PMEPA1: variants seen among roughly 807,000 people sequenced by gnomAD.
The protein encoded by PMEPA1 is prostate transmembrane protein, androgen induced 1, also known as protein TMEPAI.
In PMEPA1, 11 loss-of-function variants were observed where a neutral mutation model predicts 23.0. The observed-to-expected ratio is 0.48, with a 90% CI of 0.30 to 0.79. The LOEUF is 0.79. Among genes scored for constraint, PMEPA1 ranks in the 30% least tolerant of loss-of-function variants. The probability of loss-of-function intolerance (pLI) is 0.06; values close to 1 mark genes in which losing one functional copy is unlikely to be tolerated. For synonymous variants in PMEPA1, 204 were observed against 166.4 expected (o/e 1.23, Z -1.74); for missense variants, 377 against 390.9 (o/e 0.96, Z 0.30).
At chr20:57,700,183 C>A (rs748612768) in intron 1 of PMEPA1, 3 of 471,160 alleles carry the variant, frequency 6.4e-6, no homozygotes. Context: ...GAATCCATGA[C>A]AACCTGTCAA....
intron 1 of PMEPA1, among the ~76,000 whole-genome samples, chr20:57,668,875 C>G (rs1463836357): frequency 6.6e-6 from 1 of 152,232 alleles, no homozygotes; most frequent in Non-Finnish European, 1.5e-5. Flanking sequence ...CCTTCATTGC[C>G]TTGATCCCGG....
upstream of PMEPA1, chr20:57,710,459 C>A: frequency 6.2e-7 from 1 of 1,608,158 alleles, no homozygotes; most frequent in Non-Finnish European, 8.5e-7. Flanking sequence ...AGATGGATCA[C>A]CCATTGCCTG....
At chr20:57,697,642 A>G (rs2071958563) in intron 1 of PMEPA1, among the ~76,000 whole-genome samples, 1 of 152,198 alleles carries the variant, frequency 6.6e-6, no homozygotes, top group Non-Finnish European at 1.5e-5. Flanking sequence ...TGCAGAGTGG[A>G]GGATGCAGTG....
intron 1 of PMEPA1, among the ~76,000 whole-genome samples, chr20:57,671,278 T>C (rs958126609): frequency 6.6e-6 from 1 of 152,010 alleles, no homozygotes. Flanking sequence ...ATGTCGGAGG[T>C]GCATAACATC....
intron 1 of PMEPA1, among the ~76,000 whole-genome samples, chr20:57,679,863 T>C (rs555423749): frequency 1.3e-5 from 2 of 151,998 alleles, no homozygotes; most frequent in South Asian, 4.2e-4. Context: ...GCCCCTAAAA[T>C]GGGTCAGATG....
At chr20:57,658,108 C>T (rs2071353082) in intron 2 of PMEPA1, among the ~76,000 whole-genome samples, 1 of 152,206 alleles carries the variant, frequency 6.6e-6, no homozygotes, top group African/African-American at 2.4e-5. Flanking sequence ...GACATGGAGC[C>T]GGGAGTTCAC....
At chr20:57,669,141 A>ATATTTATT (rs2071532901) in intron 1 of PMEPA1, among the ~76,000 whole-genome samples, 1 of 105,598 alleles carries the variant, frequency 9.5e-6, no homozygotes. Context: ...ATAAAAAAGC[A>ATATTTATT]CATTTATTTA....
rs2072088531 is a variant in PMEPA1 at position 57,706,386 on chromosome 20, C to T, written c.109+3088G>A. On this transcript the variant is annotated intron_variant, in intron 1 of 3. Transcript: ENST00000341744. ...CAGGAGTCCTTTCCTCAAAAGTAGC[C>T]GCTTCAAGCTCCAGGCTGACATCTG... Among the ~76,000 whole-genome samples, 3 of 152,154 alleles carry T rather than the reference C, an allele frequency of 2.0e-5. No individual in the cohort carries two copies. In the South Asian group the frequency reaches 6.2e-4, roughly 32 times the overall value.
At chr20:57,709,035 A>G (rs540380042) in intron 1 of PMEPA1, among the ~76,000 whole-genome samples, 43 of 151,924 alleles carry the variant, frequency 2.8e-4, no homozygotes, top group Admixed American at 7.9e-4. Context: ...CACTCCAGAC[A>G]CACGCCCGGA....
rs2071240802 is a variant in PMEPA1 at position 57,652,085 on chromosome 20, C to G, written c.832G>C (p.Glu278Gln). The change falls in exon 4 of 4, where the codon GAG (glutamate) becomes CAG (glutamine). Residue 278 changes from glutamate to glutamine, a missense_variant. Glu to Gln is a conservative substitution (Grantham distance 29). Transcript: ENST00000341744. The surrounding 1 kb of genome is among the most constrained non-coding windows in gnomAD (Gnocchi z 6.1). ...PLESAAIWSK[E>Q]KDKQKGHPL Reference sequence around the variant, plus strand: ...GGGTGTCCTTTCTGTTTATCCTTCTCTTTGCTCCAGATGGCTGCGCTCTCT... The same window carrying G: ...GGGTGTCCTTTCTGTTTATCCTTCTGTTTGCTCCAGATGGCTGCGCTCTCT... 1 of 1,538,684 alleles carries G rather than the reference C, an allele frequency of 6.5e-7. No homozygotes were observed. The highest frequency in any genetic ancestry group is 2.0e-5 in the Admixed American group (1 of 49,150).
intron 1 of PMEPA1, among the ~76,000 whole-genome samples, chr20:57,679,822 T>C (rs1366502088): frequency 6.6e-6 from 1 of 152,064 alleles, no homozygotes; most frequent in African/African-American, 2.4e-5. Flanking sequence ...TCTTAGATAC[T>C]GAGTTTCTAG....
In PMEPA1 at chr20:57,652,696, T is replaced by A; in HGVS notation, c.319-98A>T. On this transcript the variant is annotated intron_variant, in intron 3 of 3. Transcript: ENST00000341744. The surrounding 1 kb of genome is among the most constrained non-coding windows in gnomAD (Gnocchi z 6.1). Reference sequence around the variant, plus strand: ...GGAGTTCTGCTGCATGGGACTTGGCTCTCTGGGGAAAGGGAGAGGGCAGCA... The same window carrying A: ...GGAGTTCTGCTGCATGGGACTTGGCACTCTGGGGAAAGGGAGAGGGCAGCA... The A allele has an allele frequency of 9.1e-7, 1 of 1,102,824 alleles. No homozygotes were observed. Among genetic ancestry groups the A allele is most frequent in the Non-Finnish European group, 1.3e-6 (1 of 796,804 alleles). 68.3% of individuals were successfully genotyped at this position (1,102,824 alleles called of 1,614,324 possible). A position where few individuals can be genotyped will look rare whatever the true frequency, so the allele number is the denominator to read the frequency against.
chr20:57,668,132 C>G (rs899980160), intron 1 of PMEPA1, among the ~76,000 whole-genome samples: 4 of 152,134 alleles, frequency 2.6e-5, no homozygotes, highest in African/African-American at 7.2e-5. Context: ...GGCACCCGGA[C>G]AGGTGAACCT....
intron 1 of PMEPA1, among the ~76,000 whole-genome samples, chr20:57,672,461 C>T (rs537549849): frequency 9.8e-5 from 15 of 152,376 alleles, no homozygotes; most frequent in African/African-American, 3.4e-4. Flanking sequence ...AAGCACAATG[C>T]GGCTGGTATT....
In PMEPA1 at chr20:57,683,887, G is replaced by A. The variant is rs76090086; in HGVS notation, c.110-24190C>T. ...CATGCGGGGCACAATGGGAGTAGCT[G>A]CTCAACAGACCACTCCTGCCTGTGG... On this transcript the variant is annotated intron_variant, in intron 1 of 3. Transcript: ENST00000341744. This position sits in a 1 kb window ranked among gnomAD's most constrained non-coding sequence, Gnocchi z 4.3. 6.6e-6 allele frequency among the ~76,000 whole-genome samples: 1 copy of A among 152,224 alleles called. No individual in the cohort carries two copies. The highest frequency in any genetic ancestry group is 2.4e-5 in the African/African-American group (1 of 41,540).
chr20:57,689,883 G>A (rs1008808685), intron 1 of PMEPA1, among the ~76,000 whole-genome samples: 8 of 152,072 alleles, frequency 5.3e-5, no homozygotes, highest in African/African-American at 1.2e-4. Flanking sequence ...TCTATATATC[G>A]GAGGGACACA....
At chr20:57,677,062 A>C (rs1600649798) in intron 1 of PMEPA1, among the ~76,000 whole-genome samples, 2 of 152,098 alleles carry the variant, frequency 1.3e-5, no homozygotes, top group Admixed American at 6.5e-5. Flanking sequence ...TCCCACCCCA[A>C]GGCCTTTGCA....
intron 1 of PMEPA1, among the ~76,000 whole-genome samples, chr20:57,660,541 C>T (rs1182808882): frequency 6.9e-6 from 1 of 144,206 alleles, no homozygotes; most frequent in Non-Finnish European, 1.5e-5. Flanking sequence ...TACTCCAACA[C>T]TCCTACACAC....
At chr20:57,679,719 G>C (rs1313895405) in intron 1 of PMEPA1, among the ~76,000 whole-genome samples, 1 of 152,212 alleles carries the variant, frequency 6.6e-6, no homozygotes, top group Admixed American at 6.5e-5. Flanking sequence ...TGCTGGAAGG[G>C]GGTGGTCACC....
Sources: gnomAD v4.1 joint callset for allele counts (sites outside exome capture counted in the v4.1 genomes callset) on GRCh38, gnomAD v4.1.1 for gene constraint, Gnocchi (gnomAD v3.1) non-coding constraint, MANE v1.5 for transcripts, NCBI Gene and HGNC (gene_info 2026-07-23, HGNC 2026-07-21) for gene names.